LOC128462377: variants seen among roughly 807,000 people sequenced by gnomAD.
chr16:89,350,169 A>T, the LOC128462377 span, among the ~76,000 whole-genome samples: 1 of 152,232 alleles, frequency 6.6e-6, no homozygotes, highest in Non-Finnish European at 1.5e-5. Context: ...AAAATGGAAA[A>T]GATGGACTAC....
At chr16:89,318,148 C>T in the LOC128462377 span, among the ~76,000 whole-genome samples, 2 of 152,210 alleles carry the variant, frequency 1.3e-5, no homozygotes, top group African/African-American at 2.4e-5. Flanking sequence ...ACACACGGTG[C>T]GAGCGCACTT....
At chr16:89,381,630 C>T in the LOC128462377 span, among the ~76,000 whole-genome samples, 2 of 152,158 alleles carry the variant, frequency 1.3e-5, no homozygotes, top group Non-Finnish European at 2.9e-5. Flanking sequence ...CTGTCAACAT[C>T]CCCCAACATG....
the LOC128462377 span, among the ~76,000 whole-genome samples, chr16:89,333,457 C>G: frequency 6.6e-6 from 1 of 152,220 alleles, no homozygotes; most frequent in African/African-American, 2.4e-5. Context: ...GTGGACCCAC[C>G]GTTGTGGTAT....
chr16:89,394,560 G>A, the LOC128462377 span, among the ~76,000 whole-genome samples: 4 of 151,952 alleles, frequency 2.6e-5, no homozygotes, highest in South Asian at 2.1e-4. Flanking sequence ...CCCAGGAGGC[G>A]GAGGTTGCAG....
At chr16:89,393,537 C>G in the LOC128462377 span, among the ~76,000 whole-genome samples, 1 of 134,804 alleles carries the variant, frequency 7.4e-6, no homozygotes, top group Non-Finnish European at 1.6e-5. Flanking sequence ...GACGGGGTTT[C>G]ACCATGTTGC....
At chr16:89,324,673 TC>T in the LOC128462377 span, 1,090 of 363,440 alleles carry the variant, frequency 3.0e-3, 11 homozygotes, top group East Asian at 0.011. Flanking sequence ...GCTGGATACT[TC>T]CTGCCCTCGA....
chr16:89,338,456 T>C, the LOC128462377 span, among the ~76,000 whole-genome samples: 27 of 148,514 alleles, frequency 1.8e-4, no homozygotes, highest in African/African-American at 6.0e-4. Context: ...GACCAGGCGC[T>C]GTGGCTCACA....
chr16:89,382,779 C>T, the LOC128462377 span, among the ~76,000 whole-genome samples: 520 of 152,316 alleles, frequency 3.4e-3, 1 homozygote, highest in African/African-American at 0.012. Context: ...CTGTGTTCAG[C>T]TGAAATAAAC....
chr16:89,358,285 G>A, the LOC128462377 span, among the ~76,000 whole-genome samples: 1 of 152,352 alleles, frequency 6.6e-6, no homozygotes, highest in Non-Finnish European at 1.5e-5. Flanking sequence ...GCACACAGGC[G>A]TGTTCCTTCC....
the LOC128462377 span, among the ~76,000 whole-genome samples, chr16:89,375,183 A>G: frequency 1.3e-5 from 2 of 152,084 alleles, no homozygotes; most frequent in Admixed American, 1.3e-4. Flanking sequence ...AGCCTGTGCT[A>G]CCGCGGTGAG....
At chr16:89,337,708 G>T in the LOC128462377 span, among the ~76,000 whole-genome samples, 1 of 152,086 alleles carries the variant, frequency 6.6e-6, no homozygotes, top group Admixed American at 6.5e-5. Context: ...CCAAAGTGCT[G>T]GGATTACAGG....
At chr16:89,367,403 C>T in the LOC128462377 span, among the ~76,000 whole-genome samples, 4 of 152,344 alleles carry the variant, frequency 2.6e-5, no homozygotes, top group Admixed American at 1.3e-4. Flanking sequence ...GGATGCTCAA[C>T]GCAACCTTAG....
chr16:89,319,518 A>G, the LOC128462377 span, among the ~76,000 whole-genome samples: 1 of 152,136 alleles, frequency 6.6e-6, no homozygotes, highest in Non-Finnish European at 1.5e-5. Flanking sequence ...GACAGCTAAG[A>G]CCATCCAGGC....
the LOC128462377 span, among the ~76,000 whole-genome samples, chr16:89,326,851 T>C: frequency 4.4e-3 from 668 of 152,324 alleles, 6 homozygotes; most frequent in African/African-American, 0.016. Flanking sequence ...ACACAAAGCC[T>C]GCCCGCCAGG....
At chr16:89,338,149 G>A in the LOC128462377 span, among the ~76,000 whole-genome samples, 13 of 152,278 alleles carry the variant, frequency 8.5e-5, no homozygotes, top group Admixed American at 6.5e-4. Context: ...ACTGCCCCAA[G>A]CACCCAGCTT....
the LOC128462377 span, among the ~76,000 whole-genome samples, chr16:89,320,823 T>G: frequency 6.6e-6 from 1 of 152,234 alleles, no homozygotes; most frequent in African/African-American, 2.4e-5. Context: ...CAGCCGTCCT[T>G]GCCCTGTGCC....
At chr16:89,333,926 C>T in the LOC128462377 span, among the ~76,000 whole-genome samples, 2 of 152,070 alleles carry the variant, frequency 1.3e-5, no homozygotes, top group East Asian at 1.9e-4. Context: ...TTTCTCACCA[C>T]TGGAAGCAGT....
the LOC128462377 span, among the ~76,000 whole-genome samples, chr16:89,328,227 G>C: frequency 2.6e-5 from 4 of 152,142 alleles, no homozygotes; most frequent in Admixed American, 6.5e-5. Flanking sequence ...AGAAAAGCTG[G>C]AACTCTCTCG....
the LOC128462377 span, among the ~76,000 whole-genome samples, chr16:89,347,567 C>T: frequency 2.7e-5 from 4 of 148,882 alleles, no homozygotes; most frequent in Admixed American, 2.7e-4. Context: ...GCCAAGATCA[C>T]GCCACTGCAT....
Sources: gnomAD v4.1 joint callset for allele counts (sites outside exome capture counted in the v4.1 genomes callset) on GRCh38, gnomAD v4.1.1 for gene constraint, MANE v1.5 for transcripts.